Variants in MSL2 observed in about 807,000 individuals in gnomAD.
The protein encoded by MSL2 is MSL complex subunit 2, also known as E3 ubiquitin-protein ligase MSL2.
MSL2 carries 2 observed loss-of-function variants against 35.8 expected under a neutral mutation model. That is an observed-to-expected ratio of 0.06 (90% CI 0.02 to 0.18). The LOEUF is 0.18. Among genes scored for constraint, MSL2 ranks in the 10% least tolerant of loss-of-function variants. The probability of loss-of-function intolerance (pLI) is 1.00; values close to 1 mark genes in which losing one functional copy is unlikely to be tolerated. For missense variants in MSL2, 523 were observed against 706.7 expected, an observed-to-expected ratio of 0.74 and a Z score of 2.95; for synonymous variants, 296 against 255.7, an observed-to-expected ratio of 1.16 and a Z score of -1.50.
intron 1 of MSL2, among the ~76,000 whole-genome samples, chr3:136,153,481 G>GA (rs1306465238): frequency 6.6e-6 from 1 of 152,190 alleles, no homozygotes; most frequent in East Asian, 1.9e-4. Flanking sequence ...AAACTTTAAA[G>GA]AAAAAAGATC....
At chr3:136,184,096 C>A (rs1247541987) in intron 1 of MSL2, among the ~76,000 whole-genome samples, 1 of 151,048 alleles carries the variant, frequency 6.6e-6, no homozygotes, top group Admixed American at 6.6e-5. Context: ...GAGATAGAGA[C>A]CATCCTGGCT....
chr3:136,170,521 T>TC, intron 1 of MSL2, among the ~76,000 whole-genome samples: 1 of 138,320 alleles, frequency 7.2e-6, no homozygotes, highest in East Asian at 2.1e-4. Flanking sequence ...TTTTTTTTTT[T>TC]TTTTTTTTTT....
chr3:136,194,662 G>GA (rs367862548), intron 1 of MSL2: 20,061 of 182,684 alleles, frequency 0.11, 275 homozygotes, highest in African/African-American at 0.16. Context: ...AAAGGTTTAA[G>GA]AAAAAAAAAA....
At chr3:136,175,180 CT>C (rs2108080063) in intron 1 of MSL2, among the ~76,000 whole-genome samples, 1 of 152,136 alleles carries the variant, frequency 6.6e-6, no homozygotes, top group East Asian at 1.9e-4. Flanking sequence ...CCCATCTCTA[CT>C]AAAAATACAA....
At chr3:136,179,071 T>C (rs1940265910) in intron 1 of MSL2, among the ~76,000 whole-genome samples, 2 of 150,484 alleles carry the variant, frequency 1.3e-5, no homozygotes, top group Admixed American at 6.6e-5. Context: ...CACCACAGCC[T>C]TGACCTCCAA....
At chr3:136,184,816 C>G (rs936073028) in intron 1 of MSL2, among the ~76,000 whole-genome samples, 1 of 149,164 alleles carries the variant, frequency 6.7e-6, no homozygotes, top group East Asian at 2.0e-4. Flanking sequence ...CTCCTACCAC[C>G]AAAGAAAAAA....
intron 1 of MSL2, among the ~76,000 whole-genome samples, chr3:136,171,273 C>A (rs1006670029): frequency 3.9e-5 from 6 of 152,224 alleles, no homozygotes; most frequent in Admixed American, 3.9e-4. Context: ...TGAAGAGCTT[C>A]TCTCAGGATT....
intron 1 of MSL2, among the ~76,000 whole-genome samples, chr3:136,170,531 T>TC (rs1175104291): frequency 1.4e-5 from 2 of 141,612 alleles, no homozygotes; most frequent in Non-Finnish European, 3.1e-5. Context: ...TTTTTTTTTT[T>TC]TGAGATGGGA....
intron 1 of MSL2, among the ~76,000 whole-genome samples, chr3:136,187,522 T>G (rs889404746): frequency 1.5e-4 from 23 of 151,380 alleles, no homozygotes; most frequent in Non-Finnish European, 2.2e-4. Context: ...AAAAAAAAAA[T>G]TAGCTGGGTG....
chr3:136,190,881 G>A (rs1248642154), intron 1 of MSL2, among the ~76,000 whole-genome samples: 1 of 152,182 alleles, frequency 6.6e-6, no homozygotes, highest in Non-Finnish European at 1.5e-5. Context: ...CTGTGGCCTA[G>A]AAAGTACAGT....
chr3:136,158,899 T>TTG (rs1314835083), intron 1 of MSL2, among the ~76,000 whole-genome samples: 2 of 152,178 alleles, frequency 1.3e-5, no homozygotes, highest in African/African-American at 4.8e-5. Context: ...TAGAAAAACT[T>TTG]TAACAAAGAC....
In MSL2 at chr3:136,150,572, G is replaced by A. The variant is rs1431120768; in HGVS notation, c.*575C>T. The A allele has an allele frequency of 6.6e-6, 1 of 152,580 alleles. No individual in the cohort carries two copies. Among genetic ancestry groups the A allele is most frequent in the African/African-American group, 2.4e-5 (1 of 41,408 alleles). 9.5% of individuals were successfully genotyped at this position (152,580 alleles called of 1,614,324 possible). A position where few individuals can be genotyped will look rare whatever the true frequency, so the allele number is the denominator to read the frequency against. On this transcript the variant is annotated 3_prime_UTR_variant, in exon 2 of 2. Coordinates refer to ENST00000309993, the MANE Select transcript of MSL2 (RefSeq NM_018133.4). Reference sequence around the variant, plus strand: ...AGATTTCTTAAACATTCTAATGAGGGGGAATTTTTTTTCATAATACTGCTG... The same window carrying A: ...AGATTTCTTAAACATTCTAATGAGGAGGAATTTTTTTTCATAATACTGCTG...
chr3:136,168,950 A>C (rs1323206326), intron 1 of MSL2, among the ~76,000 whole-genome samples: 1 of 152,098 alleles, frequency 6.6e-6, no homozygotes, highest in Non-Finnish European at 1.5e-5. Context: ...AAAATACAGA[A>C]GAAAAAAAAG....
intron 1 of MSL2, among the ~76,000 whole-genome samples, chr3:136,190,588 T>C (rs1015872861): frequency 3.3e-5 from 5 of 151,816 alleles, no homozygotes; most frequent in African/African-American, 1.2e-4. Flanking sequence ...AGTTTGACCA[T>C]GATACTTTCC....
Position 136,195,982 on chromosome 3 carries a change from C to T in MSL2, c.-869G>A, listed in dbSNP as rs1210975491. 11 of 236,484 alleles carry T rather than the reference C, an allele frequency of 4.7e-5. No homozygotes were observed. The East Asian group carries it at 2.0e-3, about 43-fold the overall frequency. The allele number at this position is 236,484 out of a possible 1,614,324, so 14.6% of individuals were successfully genotyped here. ...CCCCCTCACTGCCCGGCCATTTTTTCGGCGCCACACACACAGACGACTCCT... is the reference window on the plus strand; with the variant it reads ...CCCCCTCACTGCCCGGCCATTTTTTTGGCGCCACACACACAGACGACTCCT... On this transcript the variant is annotated 5_prime_UTR_variant, in exon 1 of 2. Coordinates refer to ENST00000309993, the MANE Select transcript of MSL2 (RefSeq NM_018133.4).
chr3:136,186,727 T>C (rs552940751), intron 1 of MSL2, among the ~76,000 whole-genome samples: 1 of 152,300 alleles, frequency 6.6e-6, no homozygotes, highest in Non-Finnish European at 1.5e-5. Flanking sequence ...TAATCCTACA[T>C]TATAGTGAAC....
At chr3:136,185,654 C>T (rs2108091619) in intron 1 of MSL2, among the ~76,000 whole-genome samples, 1 of 151,790 alleles carries the variant, frequency 6.6e-6, no homozygotes, top group South Asian at 2.1e-4. Context: ...CTCCTGTGCG[C>T]ACCACCACGC....
chr3:136,180,808 G>GGGAGGGAGGGAGGGAAGGAA (rs1940331506), intron 1 of MSL2, among the ~76,000 whole-genome samples: 4 of 53,024 alleles, frequency 7.5e-5, no homozygotes, highest in Admixed American at 2.5e-4. Flanking sequence ...GAGGGAGGGA[G>GGGAGGGAGGGAGGGAAGGAA]GGAAGGAGGG....
chr3:136,153,245 C>T (rs377328348), intron 1 of MSL2, among the ~76,000 whole-genome samples: 1 of 152,076 alleles, frequency 6.6e-6, no homozygotes, highest in East Asian at 1.9e-4. Context: ...AAAACAAAAC[C>T]AAAACCCTTT....
Sources: gnomAD v4.1 joint callset for allele counts (sites outside exome capture counted in the v4.1 genomes callset) on GRCh38, gnomAD v4.1.1 for gene constraint, MANE v1.5 for transcripts, NCBI Gene and HGNC (gene_info 2026-07-23, HGNC 2026-07-21) for gene names.